Variants in TLX3 observed in about 807,000 individuals in gnomAD.
TLX3 encodes the protein T-cell leukemia homeobox protein 3.
In TLX3, 11 loss-of-function variants were observed where a neutral mutation model predicts 19.6. The observed-to-expected ratio is 0.56, with a 90% CI of 0.35 to 0.93. The LOEUF is 0.93. TLX3 is among the 40% of genes least tolerant of loss of function. The probability of loss-of-function intolerance (pLI) is 0.01; values close to 1 mark genes in which losing one functional copy is unlikely to be tolerated. For synonymous variants in TLX3, 221 were observed against 188.1 expected, an observed-to-expected ratio of 1.17 and a Z score of -1.43; for missense variants, 375 against 418.6, an observed-to-expected ratio of 0.90 and a Z score of 0.91.
chr5:171,309,456 A>T lies in TLX3; in HGVS notation c.91A>T (p.Ser31Cys), dbSNP rs768577374. ...DQILNSPDQD[S>C]APAPRGPDGA... is the part of the protein sequence containing the mutation. ...GATCCTTAACAGCCCGGACCAGGACAGCGCACCCGCCCCGCGGGGCCCCGA... is the reference window on the plus strand; with the variant it reads ...GATCCTTAACAGCCCGGACCAGGACTGCGCACCCGCCCCGCGGGGCCCCGA... The change falls in exon 1 of 3, where the codon AGC becomes TGC. Residue 31 changes from serine (S) to cysteine (C), a missense_variant. By Grantham distance (112) the Ser-to-Cys change is moderately radical. This residue lies in a region of TLX3 where 239 missense variants were observed against 217.0 expected (regional missense o/e 1.10). Coordinates refer to ENST00000296921, the MANE Select transcript of TLX3 (RefSeq NM_021025.4). 3 of 1,601,152 alleles carry T rather than the reference A, an allele frequency of 1.9e-6. No individual in the cohort carries two copies. The highest frequency in any genetic ancestry group is 2.6e-6 in the Non-Finnish European group (3 of 1,174,824).
chr5:171,309,327 T>TAGCCCCC lies in TLX3; in HGVS notation c.-39_-38insAGCCCCC. 1 of 976,978 alleles carries TAGCCCCC rather than the reference T, an allele frequency of 1.0e-6. No homozygotes were observed. The highest frequency in any genetic ancestry group is 2.8e-5 in the East Asian group (1 of 35,738). The allele number at this position is 976,978 out of a possible 1,614,324, so 60.5% of individuals were successfully genotyped here. On this transcript the variant is annotated 5_prime_UTR_variant, in exon 1 of 3. Transcript: ENST00000296921. ...GCGCCGTAACGGGGACCCAGCCGCC[T>TAGCCCCC]CCCCGCCCAGCCCAGCCCAGCCCTT...
chr5:171,311,710 T>A lies in TLX3; in HGVS notation c.*111T>A. 1 of 779,056 alleles carries A rather than the reference T, an allele frequency of 1.3e-6. No homozygotes were observed. Among genetic ancestry groups the A allele is most frequent in the East Asian group, 3.1e-5 (1 of 32,474 alleles). The allele number at this position is 779,056 out of a possible 1,614,324, so 48.3% of individuals were successfully genotyped here. The stretch of plus-strand genomic sequence containing the variant: ...GGCGCCGAGAGGGGAAGGGGCCGCC[T>A]AGCCCGAGTAGGCCCCAGGGCGCGG... On this transcript the variant is annotated 3_prime_UTR_variant, in exon 3 of 3. Coordinates refer to ENST00000296921, the MANE Select transcript of TLX3 (RefSeq NM_021025.4). This position sits in a 1 kb window ranked among gnomAD's most constrained non-coding sequence, Gnocchi z 5.1.
chr5:171,311,251 G>C lies in TLX3; in HGVS notation c.666-138G>C, dbSNP rs1261326459. On this transcript the variant is annotated intron_variant, in intron 2 of 2. Transcript: ENST00000296921. The surrounding 1 kb of genome is among the most constrained non-coding windows in gnomAD (Gnocchi z 5.1). ...TGGATATAAGAGCCTCGGGCGTAAA[G>C]CGCGGGCTGGGAGGCAGACGGGTTC... The C allele has an allele frequency of 1.5e-6, 1 of 676,220 alleles. No individual in the cohort carries two copies. Among genetic ancestry groups the C allele is most frequent in the Non-Finnish European group, 2.5e-6 (1 of 407,812 alleles). The allele number at this position is 676,220 out of a possible 1,614,324, so 41.9% of individuals were successfully genotyped here.
Position 171,310,161 on chromosome 5 carries a change from C to G in TLX3, c.433C>G (p.Leu145Val), listed in dbSNP as rs1391367978. The change falls in exon 2 of 3, where the codon CTC (leucine) becomes GTC (valine). Residue 145 changes from leucine to valine, a missense_variant. Leu to Val is a conservative substitution (Grantham distance 32). Transcript: ENST00000296921. ...VKDRFTAAAA[L>V]TPFTVTRRIG... ...CTGTGTCTCCGCAGCGGCGGCCGCACTCACGCCCTTCACCGTGACCCGGCG... is the reference window on the plus strand; with the variant it reads ...CTGTGTCTCCGCAGCGGCGGCCGCAGTCACGCCCTTCACCGTGACCCGGCG... 6.5e-7 allele frequency: 1 copy of G among 1,550,182 alleles called. No homozygotes were observed. Among genetic ancestry groups the G allele is most frequent in the Non-Finnish European group, 8.7e-7 (1 of 1,147,088 alleles).
In TLX3 at chr5:171,309,356, C is replaced by A; in HGVS notation, c.-10C>A. 6.3e-7 allele frequency: 1 copy of A among 1,575,784 alleles called. No individual in the cohort carries two copies. Among genetic ancestry groups the A allele is most frequent in the Non-Finnish European group, 8.6e-7 (1 of 1,164,916 alleles). On this transcript the variant is annotated 5_prime_UTR_variant, in exon 1 of 3. Coordinates refer to ENST00000296921, the MANE Select transcript of TLX3 (RefSeq NM_021025.4). The stretch of plus-strand genomic sequence containing the variant: ...CGCCCAGCCCAGCCCAGCCCTTCCG[C>A]CCGCCCAGGATGGAGGCGCCCGCCA...
chr5:171,310,417 A>T, intron 2 of TLX3, 24 bp downstream of exon 2: 1 of 1,606,168 alleles, frequency 6.2e-7, no homozygotes, highest in Admixed American at 1.7e-5. Flanking sequence ...GACCCGGCCC[A>T]CCTTACACCT....
chr5:171,309,324 G>GCCCACC lies in TLX3; in HGVS notation c.-40_-39insCACCCC. The stretch of plus-strand genomic sequence containing the variant: ...GCCGCGCCGTAACGGGGACCCAGCC[G>GCCCACC]CCTCCCCGCCCAGCCCAGCCCAGCC... On this transcript the variant is annotated 5_prime_UTR_variant, in exon 1 of 3. Transcript: ENST00000296921. 1 of 1,259,518 alleles carries GCCCACC rather than the reference G, an allele frequency of 7.9e-7. No individual in the cohort carries two copies. The highest frequency in any genetic ancestry group is 1.1e-6 in the Non-Finnish European group (1 of 925,050). 78.0% of individuals were successfully genotyped at this position (1,259,518 alleles called of 1,614,324 possible).
At position 171,309,686 on chromosome 5, in the gene TLX3, G is replaced by T. The variant is rs1410104588; in HGVS notation, c.321G>T (p.Ala107=). 2 of 1,609,458 alleles carry T rather than the reference G, an allele frequency of 1.2e-6. No homozygotes were observed. Among genetic ancestry groups the T allele is most frequent in the Non-Finnish European group, 1.7e-6 (2 of 1,178,774 alleles). ...CCGTGCCACCGCCTCTGCCAAGCGC[G>T]CTACCCGCCATGCCCTCCGTGCCCA... The part of the protein sequence containing the change: ...PGAVPPPLPS[A]LPAMPSVPTV... Residue 107 remains alanine (A), a synonymous_variant, in exon 1 of 3, where the codon GCG becomes GCT. Coordinates refer to ENST00000296921, the MANE Select transcript of TLX3 (RefSeq NM_021025.4).
rs1412140952 is a variant in TLX3 at position 171,309,701 on chromosome 5, C to T, written c.336C>T (p.Pro112=). The part of the protein sequence containing the change: ...PPLPSALPAM[P]SVPTVSSLGG... ...TGCCAAGCGCGCTACCCGCCATGCC[C>T]TCCGTGCCCACGGTCTCCAGCCTTG... Residue 112 remains proline (P), a synonymous_variant, in exon 1 of 3, where the codon CCC becomes CCT. Coordinates refer to ENST00000296921, the MANE Select transcript of TLX3 (RefSeq NM_021025.4). 13 of 1,611,308 alleles carry T rather than the reference C, an allele frequency of 8.1e-6. No individual in the cohort carries two copies. The highest frequency in any genetic ancestry group is 1.0e-5 in the Non-Finnish European group (12 of 1,179,370).
chr5:171,311,445 T>G lies in TLX3; in HGVS notation c.722T>G (p.Leu241Arg). Residue 241 changes from leucine to arginine, a missense_variant, in exon 3 of 3, where the codon CTG becomes CGG. Physicochemically the swap from Leu to Arg is moderately radical, Grantham distance 102. This residue lies in a region of TLX3 where 62 missense variants were observed against 63.1 expected (regional missense o/e 0.98). Coordinates refer to ENST00000296921, the MANE Select transcript of TLX3 (RefSeq NM_021025.4). The surrounding 1 kb of genome is among the most constrained non-coding windows in gnomAD (Gnocchi z 5.1). Reference sequence around the variant, plus strand: ...CGGCAGCAGGCGAGCCGGCTCATGCTGCAGCTGCAACACGACGCCTTCCAA... The same window carrying G: ...CGGCAGCAGGCGAGCCGGCTCATGCGGCAGCTGCAACACGACGCCTTCCAA... ...AERQQASRLMLQLQHDAFQKS... is the reference protein window; with the variant it reads ...AERQQASRLMRQLQHDAFQKS... 2 of 1,588,760 alleles carry G rather than the reference T, an allele frequency of 1.3e-6. No homozygotes were observed. Among genetic ancestry groups the G allele is most frequent in the Non-Finnish European group, 1.7e-6 (2 of 1,168,326 alleles).
In TLX3 at chr5:171,312,032, G is replaced by A; in HGVS notation, c.*433G>A. ...AGCCGACCCGGCCGCTGGGGGAAGT[G>A]CCAGGGGCCCGGGGCACCCTGCGTT... On this transcript the variant is annotated 3_prime_UTR_variant, in exon 3 of 3. Transcript: ENST00000296921. The A allele has an allele frequency of 5.2e-6, 1 of 193,382 alleles. No homozygotes were observed. Among genetic ancestry groups the A allele is most frequent in the Non-Finnish European group, 1.1e-5 (1 of 92,204 alleles). 12.0% of individuals were successfully genotyped at this position (193,382 alleles called of 1,614,324 possible).
At chr5:171,310,503 C>G in intron 2 of TLX3, 110 bp downstream of exon 2, 1 of 1,360,442 alleles carries the variant, frequency 7.4e-7, no homozygotes, top group African/African-American at 1.5e-5. Context: ...CCCCGCCCCC[C>G]TCTGCCTCCC....
intron 2 of TLX3, 29 bp downstream of exon 2, chr5:171,310,422 A>C: frequency 1.2e-6 from 2 of 1,606,382 alleles, no homozygotes; most frequent in Non-Finnish European, 8.5e-7. Context: ...GGCCCACCTT[A>C]CACCTGCCCT....
In TLX3 at chr5:171,311,864, GC is replaced by G. The variant is rs1016607787; in HGVS notation, c.*271del. On this transcript the variant is annotated 3_prime_UTR_variant, in exon 3 of 3. Transcript: ENST00000296921. This position sits in a 1 kb window ranked among gnomAD's most constrained non-coding sequence, Gnocchi z 5.1. ...ACAAGAAAGCGCCTTACGTTTCTCC[GC>G]CCCCCGCCCGCACCCCCCGGGCCGG... 4.6e-5 allele frequency: 14 copies of G among 303,028 alleles called. No homozygotes were observed. The highest frequency in any genetic ancestry group is 2.8e-4 in the African/African-American group (13 of 45,638). 18.8% of individuals were successfully genotyped at this position (303,028 alleles called of 1,614,324 possible).
At position 171,309,263 on chromosome 5, in the gene TLX3, A is replaced by C; in HGVS notation, c.-103A>C. 1.9e-6 allele frequency: 2 copies of C among 1,028,998 alleles called. No individual in the cohort carries two copies. Among genetic ancestry groups the C allele is most frequent in the Non-Finnish European group, 2.7e-6 (2 of 746,922 alleles). The allele number at this position is 1,028,998 out of a possible 1,614,324, so 63.7% of individuals were successfully genotyped here. A position where few individuals can be genotyped will look rare whatever the true frequency, so the allele number is the denominator to read the frequency against. On this transcript the variant is annotated 5_prime_UTR_variant, in exon 1 of 3. Transcript: ENST00000296921. ...TGTCGGGCCCGCGCACTCTTGGCAA[A>C]GTTTCAGTGCGACGAGAGGCGCCGG...
rs114908335 is a variant in TLX3 at position 171,309,926 on chromosome 5, G to T, written c.421+140G>T. The T allele has an allele frequency of 5.7e-4, 755 of 1,316,928 alleles. 1 individual carries two copies. In the African/African-American group the frequency reaches 1.0e-2, roughly 17 times the overall value. 81.6% of individuals were successfully genotyped at this position (1,316,928 alleles called of 1,614,324 possible). ...CTCGGCCCCAGGGCCCCGGGCAGCC[G>T]TGGTGGGGAGGGTAATCGGAGAGTT... On this transcript the variant is annotated intron_variant, in intron 1 of 2. Transcript: ENST00000296921.
At chr5:171,309,847 C>T (rs1769190207) in intron 1 of TLX3, 61 bp downstream of exon 1, 3 of 1,481,894 alleles carry the variant, frequency 2.0e-6, no homozygotes, top group Non-Finnish European at 2.7e-6. Context: ...AGGCGCCGCG[C>T]CCTGTGCGCT....
At position 171,311,102 on chromosome 5, in the gene TLX3, G is replaced by A. The variant is rs1769211278; in HGVS notation, c.666-287G>A. On this transcript the variant is annotated intron_variant, in intron 2 of 2. Transcript: ENST00000296921. The surrounding 1 kb of genome is among the most constrained non-coding windows in gnomAD (Gnocchi z 5.1). ...ATAGGCCCTGCCCTTGCTATCTGGC[G>A]AAAGGAACAATCTTTATTGTTGGTG... 1.3e-5 allele frequency among the ~76,000 whole-genome samples: 2 copies of A among 152,188 alleles called. No homozygotes were observed. The highest frequency in any genetic ancestry group is 1.3e-4 in the Admixed American group (2 of 15,284).
Position 171,309,373 on chromosome 5 carries a change from C to T in TLX3, c.8C>T (p.Ala3Val), listed in dbSNP as rs966484118. 2 of 1,264,804 alleles carry T rather than the reference C, an allele frequency of 1.6e-6. No individual in the cohort carries two copies. The highest frequency in any genetic ancestry group is 5.1e-5 in the East Asian group (1 of 19,534). 78.3% of individuals were successfully genotyped at this position (1,264,804 alleles called of 1,614,324 possible). Residue 3 changes from alanine (A) to valine (V), a missense_variant, in exon 1 of 3, where the codon GCG becomes GTG. Transcript: ENST00000296921. ME[A>V]PASAQTPHPH... ...CCCTTCCGCCCGCCCAGGATGGAGG[C>T]GCCCGCCAGCGCGCAGACCCCGCAC...
Sources: allele counts gnomAD v4.1 joint callset (sites outside exome capture counted in the v4.1 genomes callset), GRCh38; gene constraint gnomAD v4.1.1; regional missense constraint gnomAD v4.1.1; non-coding constraint Gnocchi (gnomAD v3.1); transcripts MANE v1.5; gene names NCBI Gene and HGNC (gene_info 2026-07-23, HGNC 2026-07-21).